Variants in NMT1 observed in about 807,000 individuals in gnomAD.
NMT1 encodes N-myristoyltransferase 1.
Under a neutral mutation model 63.4 loss-of-function variants are expected in NMT1, and 12 were observed. The observed-to-expected ratio is 0.19, with a 90% CI of 0.12 to 0.31. The LOEUF is 0.31. NMT1 is among the 10% of genes least tolerant of loss of function. NMT1 has a pLI of 1.00. For missense variants in NMT1, 432 were observed against 634.6 expected, an observed-to-expected ratio of 0.68 and a Z score of 3.43; for synonymous variants, 228 against 234.3, an observed-to-expected ratio of 0.97 and a Z score of 0.25.
intron 1 of NMT1, among the ~76,000 whole-genome samples, chr17:45,066,811 C>T (rs1428631700): frequency 6.6e-6 from 1 of 151,722 alleles, no homozygotes; most frequent in East Asian, 1.9e-4. Flanking sequence ...GACCTGGGCT[C>T]AAGCGATCCT....
rs895896811 is a variant in NMT1 at position 45,103,537 on chromosome 17, C to T, written c.1165-172C>T. ...CAGCCCACGATCACGGCTCTGTCCT[C>T]AAGTGCCCTGAGCCAATGTCCCTCC... On this transcript the variant is annotated intron_variant, in intron 9 of 11. Transcript: ENST00000258960. This position sits in a 1 kb window ranked among gnomAD's most constrained non-coding sequence, Gnocchi z 4.8. Among the ~76,000 whole-genome samples the T allele has an allele frequency of 6.6e-6, 1 of 152,172 alleles. No individual in the cohort carries two copies. The highest frequency in any genetic ancestry group is 1.9e-4 in the East Asian group (1 of 5,190).
chr17:45,071,492 T>C (rs187982624), intron 1 of NMT1: 1 of 152,346 alleles, frequency 6.6e-6, no homozygotes, highest in Non-Finnish European at 1.5e-5. Context: ...TAACCAGTTA[T>C]AGATTTCTTT....
intron 1 of NMT1, among the ~76,000 whole-genome samples, chr17:45,078,768 A>G (rs538800672): frequency 1.2e-4 from 18 of 151,948 alleles, no homozygotes; most frequent in Admixed American, 5.9e-4. Flanking sequence ...CTTCAAGCCA[A>G]CCTCTCAACT....
chr17:45,068,409 T>C (rs560804461), intron 1 of NMT1, among the ~76,000 whole-genome samples: 3 of 151,622 alleles, frequency 2.0e-5, no homozygotes, highest in Non-Finnish European at 4.4e-5. Context: ...GAGGCAGAGG[T>C]TGCAGTGAGC....
chr17:45,070,707 G>A (rs1265865126), intron 1 of NMT1, among the ~76,000 whole-genome samples: 1 of 152,126 alleles, frequency 6.6e-6, no homozygotes, highest in South Asian at 2.1e-4. Flanking sequence ...GTGAGCCACC[G>A]CGCCTGGCCA....
Position 45,105,729 on chromosome 17 carries a change from T to C in NMT1, c.*90T>C, listed in dbSNP as rs2054198839. 1 of 1,322,764 alleles carries C rather than the reference T, an allele frequency of 7.6e-7. No individual in the cohort carries two copies. The highest frequency in any genetic ancestry group is 1.5e-5 in the African/African-American group (1 of 68,744). The allele number at this position is 1,322,764 out of a possible 1,614,324, so 81.9% of individuals were successfully genotyped here. On this transcript the variant is annotated 3_prime_UTR_variant, in exon 12 of 12. Coordinates refer to ENST00000258960, the MANE Select transcript of NMT1 (RefSeq NM_021079.5). The surrounding 1 kb of genome is among the most constrained non-coding windows in gnomAD (Gnocchi z 4.2). ...ACTGTTGGTCCAATTTTCACACACG[T>C]GAGAATCCCTGGCAAAGGGAGCAGA...
Position 45,082,102 on chromosome 17 carries a change from A to G in NMT1, c.240+350A>G, listed in dbSNP as rs549046053. On this transcript the variant is annotated intron_variant, in intron 2 of 11. Transcript: ENST00000258960. ...GTCTTAAGTCCCCACCGCTCTGACA[A>G]TGAAAGGCCCCCCCTTTCTTTTTGA... 4.6e-4 allele frequency among the ~76,000 whole-genome samples: 70 copies of G among 152,178 alleles called. 1 individual carries two copies. The highest frequency in any genetic ancestry group is 2.1e-3 in the South Asian group (10 of 4,812).
intron 7 of NMT1, chr17:45,098,877 T>C (rs959699187): frequency 3.6e-5 from 11 of 305,302 alleles, no homozygotes; most frequent in Non-Finnish European, 6.8e-5. Flanking sequence ...TTATGGGAAA[T>C]GTCCTAAAGT....
Position 45,104,757 on chromosome 17 carries a change from G to A in NMT1, c.1333-102G>A. On this transcript the variant is annotated intron_variant, in intron 10 of 11. Coordinates refer to ENST00000258960, the MANE Select transcript of NMT1 (RefSeq NM_021079.5). This position sits in a 1 kb window ranked among gnomAD's most constrained non-coding sequence, Gnocchi z 4.2. ...GAGCTTCTGAGGGAACCTTGTTCTT[G>A]TGGCTGCCCACAGGACAGCTTTGAA... is the stretch of plus-strand genomic sequence containing the variant. 3.2e-6 allele frequency: 5 copies of A among 1,548,608 alleles called. No individual in the cohort carries two copies. Among genetic ancestry groups the A allele is most frequent in the Non-Finnish European group, 4.4e-6 (5 of 1,146,290 alleles).
At chr17:45,062,388 T>C (rs573327466) in intron 1 of NMT1, among the ~76,000 whole-genome samples, 1 of 152,360 alleles carries the variant, frequency 6.6e-6, no homozygotes, top group East Asian at 1.9e-4. Context: ...TTTGTAGATA[T>C]ATTTTTAAAC....
chr17:45,103,994 C>T lies in NMT1; in HGVS notation c.1332+118C>T, dbSNP rs748856637. ...GCTGGAGGCTCTGAGCCCTCCTCAT[C>T]TGTTCTGCTTAGGCAGGGTTCCCGC... On this transcript the variant is annotated intron_variant, in intron 10 of 11. Transcript: ENST00000258960. This position sits in a 1 kb window ranked among gnomAD's most constrained non-coding sequence, Gnocchi z 4.8. 2 of 1,598,424 alleles carry T rather than the reference C, an allele frequency of 1.3e-6. No homozygotes were observed. The highest frequency in any genetic ancestry group is 1.7e-6 in the Non-Finnish European group (2 of 1,179,220).
At position 45,084,494 on chromosome 17, in the gene NMT1, T is replaced by C. The variant is rs115260760; in HGVS notation, c.241-2014T>C. Among the ~76,000 whole-genome samples, 248 of 152,076 alleles carry C rather than the reference T, an allele frequency of 1.6e-3. 4 individuals carry two copies. The highest frequency in any genetic ancestry group is 5.8e-3 in the African/African-American group (242 of 41,490). ...GGACTACAGCCGCCCGTGACCACAC[T>C]GGCTAATTTTTTGTATTTTTAGTAG... On this transcript the variant is annotated intron_variant, in intron 2 of 11. Coordinates refer to ENST00000258960, the MANE Select transcript of NMT1 (RefSeq NM_021079.5).
At chr17:45,083,015 T>C (rs2054026479) in intron 2 of NMT1, among the ~76,000 whole-genome samples, 1 of 149,044 alleles carries the variant, frequency 6.7e-6, no homozygotes, top group Non-Finnish European at 1.5e-5. Context: ...AGACTCTGTC[T>C]CAAAAAATAA....
Position 45,072,268 on chromosome 17 carries a change from C to T in NMT1, c.132-9376C>T, listed in dbSNP as rs1598004278. 2.7e-5 allele frequency among the ~76,000 whole-genome samples: 4 copies of T among 146,260 alleles called. No individual in the cohort carries two copies. The South Asian group carries it at 8.9e-4, about 33-fold the overall frequency. On this transcript the variant is annotated intron_variant, in intron 1 of 11. Transcript: ENST00000258960. ...AACTGTCTTTACAAAAAAAAAAAAA[C>T]TCAGTATTTTTTTATTTGAGATGGA...
In NMT1 at chr17:45,105,472, G is replaced by C; in HGVS notation, c.1471-147G>C. ...GTGTGAACCCTGGTGTGGAGGTTGA[G>C]TGTGGGGCCGGCTGGGTGTGAGTCT... is the stretch of plus-strand genomic sequence containing the variant. On this transcript the variant is annotated intron_variant, in intron 11 of 11. Coordinates refer to ENST00000258960, the MANE Select transcript of NMT1 (RefSeq NM_021079.5). The surrounding 1 kb of genome is among the most constrained non-coding windows in gnomAD (Gnocchi z 4.2). 1.2e-6 allele frequency: 1 copy of C among 824,502 alleles called. No individual in the cohort carries two copies. Among genetic ancestry groups the C allele is most frequent in the Non-Finnish European group, 2.0e-6 (1 of 491,666 alleles). The allele number at this position is 824,502 out of a possible 1,614,324, so 51.1% of individuals were successfully genotyped here.
At chr17:45,088,584 G>A (rs111931312) in intron 3 of NMT1, among the ~76,000 whole-genome samples, 16,572 of 152,062 alleles carry the variant, frequency 0.11, 1,009 homozygotes, top group Middle Eastern at 0.18. Context: ...GTAAAACCTC[G>A]TCTCTACTAA....
At chr17:45,088,672 T>G (rs2054068939) in intron 3 of NMT1, among the ~76,000 whole-genome samples, 2 of 151,970 alleles carry the variant, frequency 1.3e-5, no homozygotes, top group African/African-American at 4.8e-5. Flanking sequence ...GAGAATCACT[T>G]GAACCTAGGA....
chr17:45,088,453 T>C (rs1258524989), intron 3 of NMT1, among the ~76,000 whole-genome samples: 1 of 152,220 alleles, frequency 6.6e-6, no homozygotes, highest in Non-Finnish European at 1.5e-5. Context: ...ATAGTGGCAC[T>C]TGGGAAAGAG....
chr17:45,076,378 CTA>C (rs1173525837), intron 1 of NMT1, among the ~76,000 whole-genome samples: 7 of 151,300 alleles, frequency 4.6e-5, no homozygotes, highest in East Asian at 1.9e-4. Context: ...GACTGTAAGA[CTA>C]TGTGTACTCA....
Sources: allele counts gnomAD v4.1 joint callset (sites outside exome capture counted in the v4.1 genomes callset), GRCh38; gene constraint gnomAD v4.1.1; non-coding constraint Gnocchi (gnomAD v3.1); transcripts MANE v1.5; gene names NCBI Gene and HGNC (gene_info 2026-07-23, HGNC 2026-07-21).